Variants in ATRNL1 observed in about 807,000 individuals in gnomAD.
ATRNL1 encodes attractin like 1.
A neutral mutation model predicts 182.7 loss-of-function variants in ATRNL1; 95 were observed. That is an observed-to-expected ratio of 0.52 (90% confidence interval 0.44 to 0.62). ATRNL1 has a LOEUF of 0.62. ATRNL1 is among the 20% of genes least tolerant of loss of function. The pLI, the probability that ATRNL1 is intolerant of heterozygous loss-of-function variation, is 0.00. For synonymous variants in ATRNL1, 576 were observed against 568.3 expected (o/e 1.01, Z -0.19); for missense variants, 1,471 against 1,679.5 (o/e 0.88, Z 2.17).
At chr10:115,636,011 A>G (rs1592984980) in intron 26 of ATRNL1, among the ~76,000 whole-genome samples, 1 of 152,160 alleles carries the variant, frequency 6.6e-6, no homozygotes, top group East Asian at 1.9e-4. Flanking sequence ...CTTCACTGGG[A>G]AGAATATGAG....
At chr10:115,915,329 C>T (rs56756071) in intron 28 of ATRNL1, among the ~76,000 whole-genome samples, 1,594 of 151,460 alleles carry the variant, frequency 0.011, 30 homozygotes, top group African/African-American at 0.033. Flanking sequence ...ACCTGGGGGG[C>T]GGAGCTTGCA....
At chr10:115,197,181 A>G (rs1312816606) in intron 8 of ATRNL1, among the ~76,000 whole-genome samples, 3 of 151,810 alleles carry the variant, frequency 2.0e-5, no homozygotes, top group African/African-American at 7.3e-5. Flanking sequence ...AATGGTATTG[A>G]TTGACTTTTA....
chr10:115,351,742 G>GTTTTGTTT lies in ATRNL1; in HGVS notation c.3175+17324_3175+17325insTTTGTTTT, dbSNP rs1554941414. ...TATTGGCCTGTAGTTTTCTTTTCTT[G>GTTTTGTTT]TGTTTTGTTTTGTTTTGTTTTGTTT... On this transcript the variant is annotated intron_variant, in intron 19 of 28. Coordinates refer to ENST00000355044, the MANE Select transcript of ATRNL1 (RefSeq NM_207303.4). 2.0e-5 allele frequency among the ~76,000 whole-genome samples: 3 copies of GTTTTGTTT among 149,860 alleles called. No individual in the cohort carries two copies. In the East Asian group the frequency reaches 5.9e-4, roughly 30 times the overall value.
intron 8 of ATRNL1, among the ~76,000 whole-genome samples, chr10:115,200,757 T>C (rs1848538570): frequency 2.8e-5 from 4 of 141,894 alleles, no homozygotes; most frequent in African/African-American, 8.2e-5. Flanking sequence ...ATGGGATGGC[T>C]GGGTCAAATG....
At chr10:115,698,818 G>A (rs1555050652) in intron 26 of ATRNL1, among the ~76,000 whole-genome samples, 1 of 151,340 alleles carries the variant, frequency 6.6e-6, no homozygotes, top group African/African-American at 2.4e-5. Flanking sequence ...CCAAAAAAAA[G>A]AGCAGCTATC....
chr10:115,918,231 A>G (rs1219726634), intron 28 of ATRNL1, among the ~76,000 whole-genome samples: 1 of 151,602 alleles, frequency 6.6e-6, no homozygotes, highest in East Asian at 2.0e-4. Flanking sequence ...CCCCCGAGTA[A>G]CTGGGATTAC....
Position 115,159,267 on chromosome 10 carries a change from T to C in ATRNL1, c.830-773T>C, listed in dbSNP as rs189763605. 7.5e-4 allele frequency among the ~76,000 whole-genome samples: 113 copies of C among 151,622 alleles called. No homozygotes were observed. The Middle Eastern group carries it at 0.024, about 32-fold the overall frequency. The stretch of plus-strand genomic sequence containing the variant: ...TTTAGTTTCATTAAAATTAAAATAC[T>C]TTGTGAGCCCTAAAGTTTGATGAAA... On this transcript the variant is annotated intron_variant, in intron 5 of 28. Transcript: ENST00000355044.
intron 1 of ATRNL1, among the ~76,000 whole-genome samples, chr10:115,114,641 G>A (rs573337834): frequency 8.5e-5 from 13 of 152,050 alleles, no homozygotes; most frequent in Non-Finnish European, 1.6e-4. Context: ...ATGAAAACAT[G>A]CTCAACATTA....
chr10:115,636,510 C>T (rs921202890), intron 26 of ATRNL1, among the ~76,000 whole-genome samples: 6 of 152,280 alleles, frequency 3.9e-5, no homozygotes, highest in South Asian at 2.1e-4. Flanking sequence ...TCAAGACCTA[C>T]GTGTTATGTG....
At chr10:115,911,079 C>T (rs782295391) in intron 28 of ATRNL1, among the ~76,000 whole-genome samples, 1 of 151,368 alleles carries the variant, frequency 6.6e-6, no homozygotes, top group Non-Finnish European at 1.5e-5. Context: ...ATCTTAGCTC[C>T]CTGCAACCTC....
rs542775947 is a variant in ATRNL1, at chr10:115,360,068, T to A, written c.3175+25649T>A. ...TTCACATATGATATTTTATATATTTTAAAAATTAAGCACTAGTGTTTTCTT... is the reference window on the plus strand; with the variant it reads ...TTCACATATGATATTTTATATATTTAAAAAATTAAGCACTAGTGTTTTCTT... On this transcript the variant is annotated intron_variant, in intron 19 of 28. Coordinates refer to ENST00000355044, the MANE Select transcript of ATRNL1 (RefSeq NM_207303.4). 4.6e-5 allele frequency among the ~76,000 whole-genome samples: 7 copies of A among 151,802 alleles called. 1 individual carries two copies. In the East Asian group the frequency reaches 7.7e-4, roughly 17 times the overall value.
intron 27 of ATRNL1, among the ~76,000 whole-genome samples, chr10:115,812,302 C>A (rs1286093158): frequency 6.6e-6 from 1 of 152,050 alleles, no homozygotes; most frequent in Non-Finnish European, 1.5e-5. Flanking sequence ...GGGATAAAAT[C>A]TATTATATTA....
At chr10:115,502,853 T>C (rs1849913555) in intron 24 of ATRNL1, among the ~76,000 whole-genome samples, 1 of 152,146 alleles carries the variant, frequency 6.6e-6, no homozygotes, top group South Asian at 2.1e-4. Context: ...GTAACAAAAC[T>C]GCATGTTCTG....
intron 21 of ATRNL1, among the ~76,000 whole-genome samples, chr10:115,437,332 G>A (rs1172936975): frequency 2.6e-5 from 4 of 151,934 alleles, no homozygotes; most frequent in Non-Finnish European, 5.9e-5. Context: ...GCCATTGAAG[G>A]GTATTTAGAG....
At chr10:115,668,491 T>A (rs1219173542) in intron 26 of ATRNL1, among the ~76,000 whole-genome samples, 1 of 152,186 alleles carries the variant, frequency 6.6e-6, no homozygotes, top group Non-Finnish European at 1.5e-5. Flanking sequence ...ACATTAGGAT[T>A]TAATCTTGAT....
chr10:115,774,885 A>C (rs1555077452), intron 27 of ATRNL1, among the ~76,000 whole-genome samples: 2 of 147,106 alleles, frequency 1.4e-5, no homozygotes, highest in African/African-American at 2.5e-5. Context: ...TTTTTTTTTT[A>C]TGTAAAGCTG....
At chr10:115,174,700 G>C (rs1847427741) in intron 8 of ATRNL1, among the ~76,000 whole-genome samples, 1 of 151,808 alleles carries the variant, frequency 6.6e-6, no homozygotes, top group African/African-American at 2.4e-5. Context: ...TAAACAAATG[G>C]GCATGGTTGT....
intron 19 of ATRNL1, among the ~76,000 whole-genome samples, chr10:115,346,357 G>A (rs1358423132): frequency 6.6e-6 from 1 of 152,186 alleles, no homozygotes; most frequent in South Asian, 2.1e-4. Context: ...GTGGAATCAT[G>A]CAGTTTTTGT....
At chr10:115,304,457 C>G (rs782697125) in intron 17 of ATRNL1, among the ~76,000 whole-genome samples, 4 of 152,136 alleles carry the variant, frequency 2.6e-5, no homozygotes, top group African/African-American at 9.7e-5. Context: ...AATACGGACA[C>G]ACGTGGAGTG....
Sources: gnomAD v4.1 joint callset for allele counts (sites outside exome capture counted in the v4.1 genomes callset) on GRCh38, gnomAD v4.1.1 for gene constraint, MANE v1.5 for transcripts, NCBI Gene and HGNC (gene_info 2026-07-23, HGNC 2026-07-21) for gene names.